KLHL6: variants seen among roughly 807,000 people sequenced by gnomAD.
KLHL6 encodes the protein kelch like family member 6.
In KLHL6, 41 loss-of-function variants were observed where a neutral mutation model predicts 58.6. The ratio of observed to expected loss-of-function variants is 0.70; its 90% confidence interval spans 0.55 to 0.91. The LOEUF (loss-of-function observed/expected upper bound fraction) is 0.91, where lower values mean the gene tolerates loss of function less well. KLHL6 is among the 40% of genes least tolerant of loss of function. The pLI is 0.00. For synonymous variants in KLHL6, 338 were observed against 322.7 expected (o/e 1.05, Z -0.51); for missense variants, 714 against 805.6 (o/e 0.89, Z 1.38).
rs932103271 is a variant in KLHL6, at chr3:183,504,051, C to T, written c.909+4008G>A. On this transcript the variant is annotated intron_variant, in intron 3 of 6. Transcript: ENST00000341319. ...ACTATAAAATGAAGATGAGAAAGTG[C>T]CTTGAGAAGGATTTGGGAAAATAAG... Among the ~76,000 whole-genome samples, 8 of 152,138 alleles carry T rather than the reference C, an allele frequency of 5.3e-5. No individual in the cohort carries two copies. The East Asian group carries it at 5.8e-4, about 11-fold the overall frequency.
intron 1 of KLHL6, among the ~76,000 whole-genome samples, chr3:183,542,446 G>A (rs924440321): frequency 2.6e-5 from 4 of 152,016 alleles, no homozygotes; most frequent in Non-Finnish European, 4.4e-5. Context: ...GCACCTTCCC[G>A]GATGTGCTTC....
intron 1 of KLHL6, among the ~76,000 whole-genome samples, chr3:183,553,540 C>T (rs947716073): frequency 2.0e-5 from 3 of 152,218 alleles, no homozygotes; most frequent in African/African-American, 7.2e-5. Context: ...TCACTCACTC[C>T]TGAGAGGGGC....
intron 2 of KLHL6, among the ~76,000 whole-genome samples, chr3:183,512,655 C>G (rs1718220703): frequency 6.6e-6 from 1 of 152,022 alleles, no homozygotes; most frequent in African/African-American, 2.4e-5. Flanking sequence ...CCACACCCAG[C>G]TAATTTTGTA....
At chr3:183,507,392 G>C (rs931350013) in intron 3 of KLHL6, among the ~76,000 whole-genome samples, 6 of 152,076 alleles carry the variant, frequency 3.9e-5, no homozygotes, top group Admixed American at 1.3e-4. Flanking sequence ...ATAGTGACTA[G>C]ACAGGGCACG....
chr3:183,536,918 C>T (rs1201885707), intron 1 of KLHL6, among the ~76,000 whole-genome samples: 2 of 152,160 alleles, frequency 1.3e-5, no homozygotes, highest in East Asian at 3.8e-4. Flanking sequence ...CATCTCAGCT[C>T]AGTTCGTGGG....
At chr3:183,521,188 C>T (rs952490588) in intron 2 of KLHL6, 1 of 152,862 alleles carries the variant, frequency 6.5e-6, no homozygotes, top group East Asian at 1.9e-4. Flanking sequence ...TGAGTCAACA[C>T]AGCACATGTT....
In KLHL6 at chr3:183,491,925, C is replaced by G. The variant is rs377186257; in HGVS notation, c.*2G>C. ...GGGGCTCTCCAGCTCCCCATCCTGC[C>G]GTCAGACAGACACTGCTCCGGGCAC... On this transcript the variant is annotated 3_prime_UTR_variant, in exon 7 of 7. Transcript: ENST00000341319. 4.8e-6 allele frequency: 7 copies of G among 1,473,024 alleles called. No individual in the cohort carries two copies. Among genetic ancestry groups the G allele is most frequent in the Non-Finnish European group, 6.3e-6 (7 of 1,108,076 alleles). The allele number at this position is 1,473,024 out of a possible 1,614,324, so 91.2% of individuals were successfully genotyped here.
chr3:183,554,628 T>C (rs1019431290), intron 1 of KLHL6, among the ~76,000 whole-genome samples: 2 of 152,228 alleles, frequency 1.3e-5, no homozygotes, highest in African/African-American at 4.8e-5. Context: ...CCCTAATTTG[T>C]AACAAGTCAT....
At position 183,546,706 on chromosome 3, in the gene KLHL6, G is replaced by A. The variant is rs146661792; in HGVS notation, c.293+8655C>T. ...ACCAAGAAATCTGACTTATTACCAC[G>A]CATAAAGTGTTGGGGCAAATAAATT... On this transcript the variant is annotated intron_variant, in intron 1 of 6. Coordinates refer to ENST00000341319, the MANE Select transcript of KLHL6 (RefSeq NM_130446.4). Among the ~76,000 whole-genome samples, 199 of 152,266 alleles carry A rather than the reference G, an allele frequency of 1.3e-3. 1 individual carries two copies. The highest frequency in any genetic ancestry group is 2.2e-3 in the Non-Finnish European group (153 of 68,024).
chr3:183,525,265 A>ACACACACACACACACACACACACACACAC (rs1553811014), intron 2 of KLHL6, among the ~76,000 whole-genome samples: 53 of 52,594 alleles, frequency 1.0e-3, no homozygotes, highest in Non-Finnish European at 2.2e-3. Context: ...CTCTCTAAAA[A>ACACACACACACACACACACACACACACAC]AAAAACACAC....
chr3:183,528,501 G>A (rs944814536), intron 1 of KLHL6, among the ~76,000 whole-genome samples: 1 of 152,210 alleles, frequency 6.6e-6, no homozygotes, highest in Non-Finnish European at 1.5e-5. Flanking sequence ...CCCAATGTCC[G>A]TAGGTTCCCA....
At chr3:183,494,004 G>T in intron 5 of KLHL6, 75 bp downstream of exon 5, 2 of 1,351,044 alleles carry the variant, frequency 1.5e-6, no homozygotes, top group Non-Finnish European at 1.1e-6. Context: ...ACCACGGCAG[G>T]CACGTTCCAA....
chr3:183,540,096 C>T (rs1427697560), intron 1 of KLHL6, among the ~76,000 whole-genome samples: 1 of 152,216 alleles, frequency 6.6e-6, no homozygotes, highest in African/African-American at 2.4e-5. Context: ...AAACACCCCA[C>T]CGTCCAAGCC....
At chr3:183,523,676 GT>G (rs1051052737) in intron 2 of KLHL6, among the ~76,000 whole-genome samples, 3 of 143,818 alleles carry the variant, frequency 2.1e-5, no homozygotes, top group Admixed American at 7.2e-5. Flanking sequence ...TCATGAGTTG[GT>G]TTTTTTTCCC....
At chr3:183,506,702 C>T (rs1289449840) in intron 3 of KLHL6, among the ~76,000 whole-genome samples, 2 of 151,988 alleles carry the variant, frequency 1.3e-5, no homozygotes, top group African/African-American at 2.4e-5. Flanking sequence ...GTAGCACATG[C>T]CTGTACTCCC....
Position 183,488,402 on chromosome 3 carries a change from T to C in KLHL6, c.*3525A>G, listed in dbSNP as rs1381556010. On this transcript the variant is annotated 3_prime_UTR_variant, in exon 7 of 7. Coordinates refer to ENST00000341319, the MANE Select transcript of KLHL6 (RefSeq NM_130446.4). ...CTAGAATACTCCCTTACCCTTATTC[T>C]CCCTCACCCTTCTTGGGACTAGAGC... The C allele has an allele frequency of 6.6e-6, 1 of 152,298 alleles. No individual in the cohort carries two copies. 9.4% of individuals were successfully genotyped at this position (152,298 alleles called of 1,614,324 possible).
chr3:183,512,237 C>A lies in KLHL6; in HGVS notation c.460-3729G>T, dbSNP rs1454511181. 2.0e-5 allele frequency among the ~76,000 whole-genome samples: 3 copies of A among 152,074 alleles called. No homozygotes were observed. In the East Asian group the frequency reaches 5.8e-4, roughly 29 times the overall value. ...AGTGCAAAATACCACGATCACCATG[C>A]CAGCGTTTGCGTGAGGGGAAGAGGA... is the stretch of plus-strand genomic sequence containing the variant. On this transcript the variant is annotated intron_variant, in intron 2 of 6. Coordinates refer to ENST00000341319, the MANE Select transcript of KLHL6 (RefSeq NM_130446.4).
At chr3:183,513,114 GA>G (rs757232872) in intron 2 of KLHL6, among the ~76,000 whole-genome samples, 15 of 152,094 alleles carry the variant, frequency 9.9e-5, no homozygotes, top group East Asian at 5.8e-4. Flanking sequence ...ATAAACTCAG[GA>G]AAAAATACGT....
rs765871704 is a variant in KLHL6, at chr3:183,492,265, AT to A, written c.1565-38del. Reference sequence around the variant, plus strand: ...GAGGAAACACGGTGGGCATCGCTCCATTTTTCTGGTTTCTTCCCTCTTAACC... The same window carrying A: ...GAGGAAACACGGTGGGCATCGCTCCATTTTCTGGTTTCTTCCCTCTTAACC... On this transcript the variant is annotated intron_variant, in intron 6 of 6. Coordinates refer to ENST00000341319, the MANE Select transcript of KLHL6 (RefSeq NM_130446.4). This position sits in a 1 kb window ranked among gnomAD's most constrained non-coding sequence, Gnocchi z 5.9. 6.6e-7 allele frequency: 1 copy of A among 1,526,326 alleles called. No homozygotes were observed. Among genetic ancestry groups the A allele is most frequent in the Non-Finnish European group, 8.8e-7 (1 of 1,132,142 alleles). The allele number at this position is 1,526,326 out of a possible 1,614,324, so 94.5% of individuals were successfully genotyped here.
Sources: gnomAD v4.1 joint callset for allele counts (sites outside exome capture counted in the v4.1 genomes callset) on GRCh38, gnomAD v4.1.1 for gene constraint, Gnocchi (gnomAD v3.1) non-coding constraint, MANE v1.5 for transcripts, NCBI Gene and HGNC (gene_info 2026-07-23, HGNC 2026-07-21) for gene names.